Variants in CLVS1 observed in about 807,000 individuals in gnomAD.
CLVS1 encodes clavesin 1, also known as clavesin-1.
A neutral mutation model predicts 33.1 loss-of-function variants in CLVS1; 10 were observed. That is an observed-to-expected ratio of 0.30 (90% CI 0.19 to 0.51). CLVS1 has a LOEUF of 0.51. Among genes scored for constraint, CLVS1 ranks in the 20% least tolerant of loss-of-function variants. The probability of loss-of-function intolerance (pLI) is 0.97; values close to 1 mark genes in which losing one functional copy is unlikely to be tolerated. For missense variants in CLVS1, 343 were observed against 433.4 expected (o/e 0.79, Z 1.85); for synonymous variants, 163 against 166.1 (o/e 0.98, Z 0.14).
At chr8:61,261,994 G>GTA (rs1809213852) in intron 2 of CLVS1, among the ~76,000 whole-genome samples, 2 of 134,344 alleles carry the variant, frequency 1.5e-5, no homozygotes, top group East Asian at 2.0e-4. Flanking sequence ...GTGTGTGTGT[G>GTA]TGTGTGTGTG....
At chr8:60,969,800 AAAAT>A in the CLVS1 span, among the ~76,000 whole-genome samples, 28 of 152,256 alleles carry the variant, frequency 1.8e-4, no homozygotes, top group African/African-American at 6.8e-4. Flanking sequence ...AAAAAAATTA[AAAAT>A]AAAACAAATA....
chr8:61,238,868 C>T (rs1808629338), intron 2 of CLVS1, among the ~76,000 whole-genome samples: 4 of 152,150 alleles, frequency 2.6e-5, no homozygotes, highest in Admixed American at 1.3e-4. Flanking sequence ...TTGGTCCATA[C>T]CCAGGACTAT....
chr8:61,098,126 C>T (rs1037705457), intron 1 of CLVS1, among the ~76,000 whole-genome samples: 2 of 152,128 alleles, frequency 1.3e-5, no homozygotes, highest in African/African-American at 4.8e-5. Context: ...CACCACTGCA[C>T]TCCAGCCTGA....
At chr8:61,064,868 A>AT (rs1289958276) in intron 1 of CLVS1, among the ~76,000 whole-genome samples, 1 of 152,010 alleles carries the variant, frequency 6.6e-6, no homozygotes, top group Non-Finnish European at 1.5e-5. Context: ...CGCCTGGCTA[A>AT]TTTTTTATAT....
At chr8:61,240,894 G>GTTTTTTTTTTTTTTTTTTTT (rs549955338) in intron 2 of CLVS1, among the ~76,000 whole-genome samples, 4 of 130,600 alleles carry the variant, frequency 3.1e-5, no homozygotes, top group African/African-American at 1.3e-4. Context: ...TTTGCTGTAG[G>GTTTTTTTTTTTTTTTTTTTT]TTTTTTTTTT....
chr8:61,261,986 G>GTGTGTGTGTGTA (rs1446638132), intron 2 of CLVS1, among the ~76,000 whole-genome samples: 12 of 87,202 alleles, frequency 1.4e-4, no homozygotes, highest in East Asian at 1.2e-3. Context: ...GTGTGTGTGT[G>GTGTGTGTGTGTA]TGTGTGTGTG....
At chr8:61,001,501 T>G in the CLVS1 span, among the ~76,000 whole-genome samples, 2 of 152,368 alleles carry the variant, frequency 1.3e-5, no homozygotes, top group Non-Finnish European at 2.9e-5. Context: ...AAAGAGAAGA[T>G]TCGCAAACCA....
chr8:61,030,695 G>A, the CLVS1 span, among the ~76,000 whole-genome samples: 3 of 152,184 alleles, frequency 2.0e-5, no homozygotes, highest in Non-Finnish European at 4.4e-5. Flanking sequence ...AGTATTTATT[G>A]AGCCCATATT....
chr8:61,112,013 G>C (rs1805636482), intron 1 of CLVS1, among the ~76,000 whole-genome samples: 1 of 151,924 alleles, frequency 6.6e-6, no homozygotes, highest in Admixed American at 6.6e-5. Flanking sequence ...TATCCCCTAA[G>C]TATTTAATTT....
At chr8:61,470,630 G>T (rs932782091) in intron 5 of CLVS1, among the ~76,000 whole-genome samples, 2 of 152,212 alleles carry the variant, frequency 1.3e-5, no homozygotes, top group Non-Finnish European at 2.9e-5. Flanking sequence ...GATGCTGTTT[G>T]TGCCTAACAT....
At chr8:61,336,017 G>T (rs977043283) in intron 2 of CLVS1, among the ~76,000 whole-genome samples, 1 of 152,058 alleles carries the variant, frequency 6.6e-6, no homozygotes, top group Non-Finnish European at 1.5e-5. Flanking sequence ...GCTGCCTGAG[G>T]GTAAAGGCAC....
At chr8:61,130,278 T>TAAATAAATAA (rs1563414156) in intron 1 of CLVS1, among the ~76,000 whole-genome samples, 2 of 113,534 alleles carry the variant, frequency 1.8e-5, no homozygotes, top group East Asian at 5.3e-4. Flanking sequence ...TAAATAAATA[T>TAAATAAATAA]AAAAATAATT....
intron 3 of CLVS1, among the ~76,000 whole-genome samples, chr8:61,410,787 G>A (rs4737586): frequency 0.67 from 101,870 of 151,468 alleles, 35,081 homozygotes; most frequent in Non-Finnish European, 0.75. Context: ...GACTACAGGC[G>A]TGAACCACCA....
intron 2 of CLVS1, among the ~76,000 whole-genome samples, chr8:61,265,445 GATA>G (rs1809285425): frequency 6.6e-6 from 1 of 152,140 alleles, no homozygotes; most frequent in Non-Finnish European, 1.5e-5. Flanking sequence ...GTAAAGTGAG[GATA>G]ATAATACTAC....
chr8:61,150,805 G>A (rs1189901790), intron 2 of CLVS1, among the ~76,000 whole-genome samples: 1 of 152,138 alleles, frequency 6.6e-6, no homozygotes, highest in East Asian at 1.9e-4. Flanking sequence ...GAGTTGATAC[G>A]TAGACATTGC....
At chr8:61,058,201 G>A (rs1187403896) in intron 1 of CLVS1, among the ~76,000 whole-genome samples, 1 of 152,160 alleles carries the variant, frequency 6.6e-6, no homozygotes, top group Non-Finnish European at 1.5e-5. Flanking sequence ...GCTGAGGCTG[G>A]TGTGCAAAGT....
At chr8:61,378,367 T>C (rs181373284) in intron 3 of CLVS1, 1 of 152,200 alleles carries the variant, frequency 6.6e-6, no homozygotes, top group Non-Finnish European at 1.5e-5. Flanking sequence ...AATACATTGA[T>C]GTGAACCTAC....
Position 61,102,347 on chromosome 8 carries a change from A to G in CLVS1, c.-242-29423A>G, listed in dbSNP as rs183605905. On this transcript the variant is annotated intron_variant, in intron 1 of 2. Coordinates refer to the CLVS1 transcript ENST00000522621. Reference sequence around the variant, plus strand: ...TGTTAATTTTATTTCTAAGTATTTTATTATTGTTTATGCAATTGTAAAAAA... The same window carrying G: ...TGTTAATTTTATTTCTAAGTATTTTGTTATTGTTTATGCAATTGTAAAAAA... 3.6e-3 allele frequency among the ~76,000 whole-genome samples: 544 copies of G among 152,250 alleles called. 3 individuals are homozygous for G. Among genetic ancestry groups the G allele is most frequent in the Non-Finnish European group, 3.8e-3 (260 of 67,996 alleles).
chr8:61,344,491 T>G (rs1812134826), intron 2 of CLVS1, among the ~76,000 whole-genome samples: 1 of 152,270 alleles, frequency 6.6e-6, no homozygotes, highest in East Asian at 1.9e-4. Flanking sequence ...GAGGCTTAGC[T>G]CAAAATGGCA....
Sources: allele counts gnomAD v4.1 joint callset (sites outside exome capture counted in the v4.1 genomes callset), GRCh38; gene constraint gnomAD v4.1.1; transcripts MANE v1.5; gene names NCBI Gene and HGNC (gene_info 2026-07-23, HGNC 2026-07-21).